Variants in NCKAP5 observed in about 807,000 individuals in gnomAD.
NCKAP5 encodes the protein nck-associated protein 5.
Under a neutral mutation model 167.0 loss-of-function variants are expected in NCKAP5, and 92 were observed. That is an observed-to-expected ratio of 0.55 (90% CI 0.47 to 0.66). The LOEUF is 0.66. Ranked by LOEUF, NCKAP5 falls within the 30% of genes least tolerant of loss-of-function variation. The probability of loss-of-function intolerance (pLI) is 0.00; values close to 1 mark genes in which losing one functional copy is unlikely to be tolerated. For missense variants in NCKAP5, 2,378 were observed against 2,315.0 expected, an observed-to-expected ratio of 1.03 and a Z score of -0.56; for synonymous variants, 891 against 877.4, an observed-to-expected ratio of 1.02 and a Z score of -0.27.
At chr2:133,087,425 G>A (rs1005826152) in intron 6 of NCKAP5, among the ~76,000 whole-genome samples, 6 of 152,192 alleles carry the variant, frequency 3.9e-5, no homozygotes, top group African/African-American at 1.4e-4. Flanking sequence ...AATCTCTGAT[G>A]GAGCGAGATG....
At chr2:132,686,001 G>A (rs1685890029) in intron 19 of NCKAP5, among the ~76,000 whole-genome samples, 1 of 152,142 alleles carries the variant, frequency 6.6e-6, no homozygotes, top group African/African-American at 2.4e-5. Context: ...GAGTCAGGAG[G>A]TGAGGAAGAA....
chr2:133,183,487 T>C (rs2084818877), intron 5 of NCKAP5, among the ~76,000 whole-genome samples: 1 of 152,048 alleles, frequency 6.6e-6, no homozygotes, highest in Non-Finnish European at 1.5e-5. Flanking sequence ...CAACATCAAT[T>C]GATGTGGGAA....
intron 19 of NCKAP5, among the ~76,000 whole-genome samples, chr2:132,724,917 G>A (rs1461345165): frequency 6.6e-6 from 1 of 151,532 alleles, no homozygotes; most frequent in Non-Finnish European, 1.5e-5. Context: ...ATAAAATTAT[G>A]GTTTCATTAC....
chr2:132,767,823 C>T (rs1339057373), intron 16 of NCKAP5, among the ~76,000 whole-genome samples: 9 of 152,228 alleles, frequency 5.9e-5, no homozygotes, highest in South Asian at 2.1e-4. Context: ...GAGCCCCCTC[C>T]GGGGAAGAAT....
chr2:132,688,420 A>G (rs937004069), intron 19 of NCKAP5, among the ~76,000 whole-genome samples: 6 of 152,232 alleles, frequency 3.9e-5, no homozygotes, highest in African/African-American at 1.4e-4. Flanking sequence ...AAAAAAATCA[A>G]AAGATTTTAT....
At chr2:132,870,551 T>C (rs1183429996) in intron 9 of NCKAP5, among the ~76,000 whole-genome samples, 1 of 152,056 alleles carries the variant, frequency 6.6e-6, no homozygotes, top group African/African-American at 2.4e-5. Flanking sequence ...CAAAGACTCA[T>C]ACCTGGCAGT....
intron 4 of NCKAP5, among the ~76,000 whole-genome samples, chr2:133,281,324 T>C (rs1423215049): frequency 6.6e-6 from 1 of 152,228 alleles, no homozygotes; most frequent in Non-Finnish European, 1.5e-5. Flanking sequence ...TATTCAAAAT[T>C]ATATTTTTTT....
At chr2:133,364,940 G>C (rs1168006086) in intron 3 of NCKAP5, among the ~76,000 whole-genome samples, 1 of 151,888 alleles carries the variant, frequency 6.6e-6, no homozygotes, top group African/African-American at 2.4e-5. Context: ...TTGTAGAGAT[G>C]GGGTGTCACT....
intron 3 of NCKAP5, among the ~76,000 whole-genome samples, chr2:133,411,898 C>T (rs1229154783): frequency 2.0e-5 from 3 of 152,172 alleles, no homozygotes; most frequent in Non-Finnish European, 4.4e-5. Context: ...ACTTAAGAAT[C>T]ACCATGTCTG....
At chr2:133,195,485 C>G (rs962430329) in intron 5 of NCKAP5, among the ~76,000 whole-genome samples, 1 of 152,076 alleles carries the variant, frequency 6.6e-6, no homozygotes, top group Non-Finnish European at 1.5e-5. Context: ...TCCACTCAAG[C>G]CACTATCAAT....
chr2:133,345,950 A>G (rs1022145838), intron 3 of NCKAP5, among the ~76,000 whole-genome samples: 6 of 152,210 alleles, frequency 3.9e-5, no homozygotes, highest in African/African-American at 1.4e-4. Context: ...TGAGGAGACT[A>G]GAAGAACAAT....
chr2:132,790,193 T>G lies in NCKAP5; in HGVS notation c.922A>C (p.Asn308His). ...GGGCATTTCAAGGCCGATTTTGTAT[T>G]TAGTTGGTGTTCCTGAAAAAGCAGG... ...TDAEVHEHQLNTKSALKCPGL... is the reference protein window; with the variant it reads ...TDAEVHEHQLHTKSALKCPGL... The change falls in exon 13 of 20, where the codon AAT becomes CAT. Residue 308 changes from asparagine (N) to histidine (H), a missense_variant. By Grantham distance (68) the Asn-to-His change is moderately conservative. Around this residue, in one of 3 missense-constraint regions of NCKAP5, gnomAD observed 1,049 missense variants for 1,023.4 expected, o/e 1.02. Coordinates refer to ENST00000409261, the MANE Select transcript of NCKAP5 (RefSeq NM_207363.3). 6.2e-7 allele frequency: 1 copy of G among 1,612,146 alleles called. No homozygotes were observed. Among genetic ancestry groups the G allele is most frequent in the South Asian group, 1.1e-5 (1 of 90,516 alleles).
At chr2:133,355,349 A>T (rs1392254824) in intron 3 of NCKAP5, among the ~76,000 whole-genome samples, 1 of 152,242 alleles carries the variant, frequency 6.6e-6, no homozygotes, top group Non-Finnish European at 1.5e-5. Context: ...AGATTTGAAT[A>T]AAAAGTTCTG....
intron 16 of NCKAP5, among the ~76,000 whole-genome samples, chr2:132,757,965 A>T (rs1388759243): frequency 6.6e-6 from 1 of 152,192 alleles, no homozygotes; most frequent in African/African-American, 2.4e-5. Context: ...ACTCATGAAG[A>T]GGCATGAAGA....
chr2:133,522,749 A>G (rs1307109785), intron 2 of NCKAP5, among the ~76,000 whole-genome samples: 1 of 152,230 alleles, frequency 6.6e-6, no homozygotes. Flanking sequence ...GGATACACCC[A>G]AGCCTCAAAG....
At chr2:133,368,745 A>T (rs1685608239) in intron 3 of NCKAP5, among the ~76,000 whole-genome samples, 1 of 152,218 alleles carries the variant, frequency 6.6e-6, no homozygotes, top group South Asian at 2.1e-4. Context: ...ATTAACAAAC[A>T]TTACAAGATG....
At chr2:133,355,484 G>A (rs1178825668) in intron 3 of NCKAP5, among the ~76,000 whole-genome samples, 1 of 152,122 alleles carries the variant, frequency 6.6e-6, no homozygotes, top group East Asian at 1.9e-4. Flanking sequence ...TTTTCAAAAT[G>A]TTCAGATACA....
chr2:133,049,544 C>CAAAA (rs59494014), intron 6 of NCKAP5, among the ~76,000 whole-genome samples: 87 of 77,916 alleles, frequency 1.1e-3, no homozygotes, highest in Middle Eastern at 8.2e-3. Flanking sequence ...GACTCTGTCT[C>CAAAA]AAAAAAAAAA....
intron 19 of NCKAP5, among the ~76,000 whole-genome samples, chr2:132,721,372 G>A (rs910129297): frequency 6.6e-6 from 1 of 152,044 alleles, no homozygotes; most frequent in Admixed American, 6.6e-5. Context: ...TGTTTGAAAA[G>A]GGCAGCTATC....
Sources: gnomAD v4.1 joint callset for allele counts (sites outside exome capture counted in the v4.1 genomes callset) on GRCh38, gnomAD v4.1.1 for gene constraint, gnomAD v4.1.1 regional missense constraint, MANE v1.5 for transcripts, NCBI Gene and HGNC (gene_info 2026-07-23, HGNC 2026-07-21) for gene names.